SLC6A9: variants seen among roughly 807,000 people sequenced by gnomAD.
The protein encoded by SLC6A9 is solute carrier family 6 member 9.
In SLC6A9, 31 loss-of-function variants were observed where a neutral mutation model predicts 70.9. That is an observed-to-expected ratio of 0.44 (90% CI 0.33 to 0.59). The LOEUF (loss-of-function observed/expected upper bound fraction) is 0.59. SLC6A9 is among the 20% of genes least tolerant of loss of function. The pLI, the probability that SLC6A9 is intolerant of heterozygous loss-of-function variation, is 0.04. For missense variants in SLC6A9, 631 were observed against 845.2 expected, an observed-to-expected ratio of 0.75 and a Z score of 3.14; for synonymous variants, 310 against 341.3, an observed-to-expected ratio of 0.91 and a Z score of 1.01.
chr1:44,026,865 C>T lies in SLC6A9; in HGVS notation c.-85-2503G>A, dbSNP rs959813058. On this transcript the variant is annotated intron_variant, in intron 1 of 13. Transcript: ENST00000372310. ...GTCACATGCCTTCCTTGTAAGTGCTCGAGTGAGGACTTGAACTAGGTTTTC... is the reference window on the plus strand; with the variant it reads ...GTCACATGCCTTCCTTGTAAGTGCTTGAGTGAGGACTTGAACTAGGTTTTC... 5.9e-5 allele frequency among the ~76,000 whole-genome samples: 9 copies of T among 152,232 alleles called. No homozygotes were observed. In the East Asian group the frequency reaches 1.7e-3, roughly 29 times the overall value.
Position 44,024,363 on chromosome 1 carries a change from C to T in SLC6A9, c.-85-1G>A. Reference sequence around the variant, plus strand: ...CCTTTCAGGCCACAGATCTCAAGAGCTGTGGAGAGAGCAGAGGGTGAGGTG... The same window carrying T: ...CCTTTCAGGCCACAGATCTCAAGAGTTGTGGAGAGAGCAGAGGGTGAGGTG... On this transcript the variant is annotated splice_acceptor_variant, in intron 1 of 13. Coordinates refer to ENST00000372310, the MANE Select transcript of SLC6A9 (RefSeq NM_001024845.3). LOFTEE classifies it low-confidence loss of function (5UTR_SPLICE). 1 of 1,531,680 alleles carries T rather than the reference C, an allele frequency of 6.5e-7. No homozygotes were observed. Among genetic ancestry groups the T allele is most frequent in the Non-Finnish European group, 9.0e-7 (1 of 1,105,216 alleles). The allele number at this position is 1,531,680 out of a possible 1,614,324, so 94.9% of individuals were successfully genotyped here. A position where few individuals can be genotyped will look rare whatever the true frequency, so the allele number is the denominator to read the frequency against.
rs66857635 is a variant in SLC6A9, at chr1:43,998,982, AG to A, written c.1537-958del. Reference sequence around the variant, plus strand: ...GCCACCCAGAGGGCCTGGCGGGGGAAGGGGGGGGGCAGTCCCAGCACCCTCC... The same window carrying A: ...GCCACCCAGAGGGCCTGGCGGGGGAAGGGGGGGGCAGTCCCAGCACCCTCC... On this transcript the variant is annotated intron_variant, in intron 12 of 13. Transcript: ENST00000372310. Among the ~76,000 whole-genome samples, 86 of 134,680 alleles carry A rather than the reference AG, an allele frequency of 6.4e-4. 1 individual carries two copies. Among genetic ancestry groups the A allele is most frequent in the African/African-American group, 1.1e-3 (41 of 36,234 alleles). The allele number at this position is 134,680 out of a possible 152,430, so 88.4% of individuals were successfully genotyped here.
At chr1:44,022,718 C>CTT (rs777966364) in intron 2 of SLC6A9, among the ~76,000 whole-genome samples, 23 of 59,934 alleles carry the variant, frequency 3.8e-4, no homozygotes, top group Admixed American at 7.6e-4. Context: ...TTCTTTCTTT[C>CTT]TTTCTTTTTT....
chr1:44,014,887 AG>A (rs1406217413), intron 2 of SLC6A9: 24 of 152,184 alleles, frequency 1.6e-4, no homozygotes, highest in Admixed American at 1.4e-3. Flanking sequence ...CTATCAGACA[AG>A]ATCGGGTGCG....
intron 1 of SLC6A9, among the ~76,000 whole-genome samples, chr1:44,030,836 C>T (rs2087099062): frequency 6.6e-6 from 1 of 152,148 alleles, no homozygotes; most frequent in Non-Finnish European, 1.5e-5. Flanking sequence ...CGAGCGGGAG[C>T]CCGCACGCTG....
intron 5 of SLC6A9, among the ~76,000 whole-genome samples, chr1:44,003,448 T>C (rs1436740066): frequency 6.6e-6 from 1 of 152,194 alleles, no homozygotes; most frequent in Non-Finnish European, 1.5e-5. Context: ...AGGGAAGCAG[T>C]GGAATGCTCA....
At chr1:44,010,460 G>GGGGGC in intron 3 of SLC6A9, 2 of 175,754 alleles carry the variant, frequency 1.1e-5, no homozygotes, top group South Asian at 9.8e-5. Flanking sequence ...TGTGGGCGGG[G>GGGGGC]GGGGGGGGGG....
Position 43,997,379 on chromosome 1 carries a change from G to T in SLC6A9, c.*166C>A. On this transcript the variant is annotated 3_prime_UTR_variant, in exon 14 of 14. Coordinates refer to ENST00000372310, the MANE Select transcript of SLC6A9 (RefSeq NM_001024845.3). The surrounding 1 kb of genome is among the most constrained non-coding windows in gnomAD (Gnocchi z 4.4). ...GGCATCCAAAGGACATGTAAACACT[G>T]GGGACATGAGCATGAATGACTGCAC... The T allele has an allele frequency of 1.5e-6, 1 of 646,894 alleles. No individual in the cohort carries two copies. The highest frequency in any genetic ancestry group is 2.7e-5 in the Admixed American group (1 of 36,830). 40.1% of individuals were successfully genotyped at this position (646,894 alleles called of 1,614,324 possible).
chr1:44,008,435 G>A lies in SLC6A9; in HGVS notation c.508C>T (p.Arg170Trp), dbSNP rs774340135. 7 of 1,614,142 alleles carry A rather than the reference G, an allele frequency of 4.3e-6. No individual in the cohort carries two copies. The highest frequency in any genetic ancestry group is 1.1e-5 in the South Asian group (1 of 91,090). Residue 170 changes from arginine to tryptophan, a missense_variant, in exon 5 of 14, where the codon CGG (arginine) becomes TGG (tryptophan). Coordinates refer to ENST00000372310, the MANE Select transcript of SLC6A9 (RefSeq NM_001024845.3). ...LDASNLTNGS[R>W]PAALPSNLSH... is the part of the protein sequence containing the mutation. ...AGGTTGCTGGGCAAGGCGGCTGGCC[G>A]AGAGCCATTGGTGAGGTTGGAGGCG... is the stretch of plus-strand genomic sequence containing the variant.
At chr1:44,027,213 A>C (rs1484647467) in intron 1 of SLC6A9, among the ~76,000 whole-genome samples, 1 of 152,152 alleles carries the variant, frequency 6.6e-6, no homozygotes, top group Non-Finnish European at 1.5e-5. Context: ...AGTTTAGCAC[A>C]TGATAAAGAG....
intron 1 of SLC6A9, among the ~76,000 whole-genome samples, chr1:44,029,568 G>A (rs1477994601): frequency 2.0e-5 from 3 of 152,112 alleles, no homozygotes; most frequent in Non-Finnish European, 2.9e-5. Flanking sequence ...TCTTCATGAA[G>A]CCTTCCTAGG....
At chr1:44,023,448 G>A (rs1234137635) in intron 2 of SLC6A9, among the ~76,000 whole-genome samples, 1 of 151,996 alleles carries the variant, frequency 6.6e-6, no homozygotes, top group African/African-American at 2.4e-5. Context: ...TTTGAGACCA[G>A]CCTGGCCAAC....
At chr1:44,021,103 G>A (rs1461853322) in intron 2 of SLC6A9, among the ~76,000 whole-genome samples, 1 of 152,164 alleles carries the variant, frequency 6.6e-6, no homozygotes, top group Non-Finnish European at 1.5e-5. Context: ...AGCTAGTGGG[G>A]GCTCTCTTGC....
In SLC6A9 at chr1:43,997,369, T is replaced by C. The variant is rs2085900922; in HGVS notation, c.*176A>G. 1.6e-6 allele frequency: 1 copy of C among 621,924 alleles called. No individual in the cohort carries two copies. The highest frequency in any genetic ancestry group is 2.8e-6 in the Non-Finnish European group (1 of 354,426). 38.5% of individuals were successfully genotyped at this position (621,924 alleles called of 1,614,324 possible). ...CTGCTATCTTGGCATCCAAAGGACA[T>C]GTAAACACTGGGGACATGAGCATGA... On this transcript the variant is annotated 3_prime_UTR_variant, in exon 14 of 14. Transcript: ENST00000372310. The surrounding 1 kb of genome is among the most constrained non-coding windows in gnomAD (Gnocchi z 4.4).
At chr1:44,019,753 G>A (rs1263313730) in intron 2 of SLC6A9, among the ~76,000 whole-genome samples, 1 of 152,268 alleles carries the variant, frequency 6.6e-6, no homozygotes, top group Non-Finnish European at 1.5e-5. Context: ...GACTCCCCCA[G>A]CTCCCGCCTC....
At chr1:43,999,511 C>T (rs998067949) in intron 12 of SLC6A9, among the ~76,000 whole-genome samples, 27 of 152,058 alleles carry the variant, frequency 1.8e-4, no homozygotes, top group Non-Finnish European at 3.5e-4. Flanking sequence ...CCCTCTGAGC[C>T]GCAGAGGCTG....
Position 44,001,638 on chromosome 1 carries a change from G to T in SLC6A9, c.963-11C>A. ...ATGATGACACTGTCCCTGATGGGGA[G>T]GAAAACAGAGTTCAGCTTCCCTCTC... On this transcript the variant is annotated splice_polypyrimidine_tract_variant and intron_variant, in intron 8 of 13. Coordinates refer to ENST00000372310, the MANE Select transcript of SLC6A9 (RefSeq NM_001024845.3). 1 of 1,594,658 alleles carries T rather than the reference G, an allele frequency of 6.3e-7. No individual in the cohort carries two copies. Among genetic ancestry groups the T allele is most frequent in the Non-Finnish European group, 8.6e-7 (1 of 1,165,760 alleles).
In SLC6A9 at chr1:44,022,462, A is replaced by C. The variant is rs986964140; in HGVS notation, c.30+1786T>G. ...CCCTAGCAAGTGTTCAGGTCATAAG[A>C]TCTCCATCTGGGCCCATTTCTGAGC... is the stretch of plus-strand genomic sequence containing the variant. On this transcript the variant is annotated intron_variant, in intron 2 of 13. Coordinates refer to ENST00000372310, the MANE Select transcript of SLC6A9 (RefSeq NM_001024845.3). Among the ~76,000 whole-genome samples the C allele has an allele frequency of 9.7e-4, 147 of 152,116 alleles. 2 individuals carry two copies. The highest frequency in any genetic ancestry group is 2.4e-4 in the Non-Finnish European group (16 of 67,992).
rs763431369 is a variant in SLC6A9 at position 43,997,512 on chromosome 1, G to C, written c.*33C>G. The stretch of plus-strand genomic sequence containing the variant: ...CCAGTCTCTGCGGTGGGAGCACGGG[G>C]TGGGGGTGGGGCCACTCCCCTGGCA... On this transcript the variant is annotated 3_prime_UTR_variant, in exon 14 of 14. Transcript: ENST00000372310. This position sits in a 1 kb window ranked among gnomAD's most constrained non-coding sequence, Gnocchi z 4.4. 6.3e-7 allele frequency: 1 copy of C among 1,580,334 alleles called. No homozygotes were observed. The highest frequency in any genetic ancestry group is 1.3e-5 in the African/African-American group (1 of 74,302).
Sources: gnomAD v4.1 joint callset for allele counts (sites outside exome capture counted in the v4.1 genomes callset) on GRCh38, gnomAD v4.1.1 for gene constraint, Gnocchi (gnomAD v3.1) non-coding constraint, MANE v1.5 for transcripts, NCBI Gene and HGNC (gene_info 2026-07-23, HGNC 2026-07-21) for gene names.